Variants in GRK5 observed in about 807,000 individuals in gnomAD.
GRK5 encodes the protein G protein-coupled receptor kinase 5.
A neutral mutation model predicts 78.4 loss-of-function variants in GRK5; 40 were observed. That is an observed-to-expected ratio of 0.51 (90% CI 0.40 to 0.66). The LOEUF (loss-of-function observed/expected upper bound fraction) is 0.66, where lower values mean the gene tolerates loss of function less well. GRK5 is among the 30% of genes least tolerant of loss of function. The pLI, the probability that GRK5 is intolerant of heterozygous loss-of-function variation, is 0.00. For missense variants in GRK5, 598 were observed against 759.9 expected, an observed-to-expected ratio of 0.79 and a Z score of 2.50; for synonymous variants, 289 against 296.8, an observed-to-expected ratio of 0.97 and a Z score of 0.27.
At chr10:119,374,885 G>A (rs1046803727) in intron 2 of GRK5, among the ~76,000 whole-genome samples, 1 of 152,076 alleles carries the variant, frequency 6.6e-6, no homozygotes, top group Non-Finnish European at 1.5e-5. Flanking sequence ...CTTCTACCAC[G>A]ATTGTAAGCT....
At chr10:119,453,424 C>A in intron 15 of GRK5, 148 bp downstream of exon 15, 1 of 894,158 alleles carries the variant, frequency 1.1e-6, no homozygotes, top group Non-Finnish European at 1.7e-6. Flanking sequence ...TGATTATGTC[C>A]AAGGCCCCTG....
intron 1 of GRK5, among the ~76,000 whole-genome samples, chr10:119,259,943 G>A (rs1849345622): frequency 6.6e-6 from 1 of 152,110 alleles, no homozygotes; most frequent in Non-Finnish European, 1.5e-5. Flanking sequence ...AACATAAGTT[G>A]TCATGTTCTT....
intron 3 of GRK5, among the ~76,000 whole-genome samples, chr10:119,396,460 G>C (rs1036396240): frequency 1.3e-5 from 2 of 152,240 alleles, no homozygotes; most frequent in Admixed American, 1.3e-4. Context: ...CTGATGTGCA[G>C]TCTGCATGGA....
chr10:119,388,448 T>A (rs1171049789), intron 3 of GRK5, among the ~76,000 whole-genome samples: 1 of 152,232 alleles, frequency 6.6e-6, no homozygotes, highest in Non-Finnish European at 1.5e-5. Flanking sequence ...GTGATTCTCG[T>A]GCCTCAGCCA....
intron 2 of GRK5, among the ~76,000 whole-genome samples, chr10:119,347,762 T>A (rs1418124927): frequency 6.6e-6 from 1 of 152,248 alleles, no homozygotes; most frequent in Non-Finnish European, 1.5e-5. Context: ...GCTGGACCAG[T>A]AGGCGTGTCT....
At chr10:119,262,407 C>T (rs1352058429) in intron 1 of GRK5, among the ~76,000 whole-genome samples, 2 of 141,192 alleles carry the variant, frequency 1.4e-5, no homozygotes, top group African/African-American at 5.3e-5. Flanking sequence ...GGCGTGATCT[C>T]GGCTCAGCAC....
intron 1 of GRK5, among the ~76,000 whole-genome samples, chr10:119,277,687 A>G (rs1849691986): frequency 6.6e-6 from 1 of 152,228 alleles, no homozygotes; most frequent in Admixed American, 6.5e-5. Context: ...CACTGCTGAA[A>G]GTTTACTCAT....
At chr10:119,359,988 G>A (rs1002537208) in intron 2 of GRK5, among the ~76,000 whole-genome samples, 13 of 151,296 alleles carry the variant, frequency 8.6e-5, no homozygotes, top group Admixed American at 1.3e-4. Context: ...CTGAGGAGGC[G>A]GAGGGAGGCT....
At chr10:119,415,788 C>A (rs1199056716) in intron 4 of GRK5, among the ~76,000 whole-genome samples, 1 of 152,200 alleles carries the variant, frequency 6.6e-6, no homozygotes, top group East Asian at 1.9e-4. Context: ...CAGATCCATG[C>A]CTCCCAGTCA....
chr10:119,275,139 C>T (rs1405941882), intron 1 of GRK5, among the ~76,000 whole-genome samples: 1 of 152,146 alleles, frequency 6.6e-6, no homozygotes, highest in East Asian at 1.9e-4. Flanking sequence ...GTGGTGGCTC[C>T]TCTATTACTA....
intron 1 of GRK5, among the ~76,000 whole-genome samples, chr10:119,218,208 G>C (rs935144584): frequency 6.6e-6 from 1 of 152,044 alleles, no homozygotes; most frequent in African/African-American, 2.4e-5. Context: ...TGAGATCCTG[G>C]TGGGAAGGCA....
chr10:119,211,650 G>T (rs1269549551), intron 1 of GRK5: 1 of 152,200 alleles, frequency 6.6e-6, no homozygotes, highest in Non-Finnish European at 1.5e-5. Flanking sequence ...GAGAAGTTAG[G>T]ACTGGAACAA....
At chr10:119,371,644 C>G (rs573934672) in intron 2 of GRK5, among the ~76,000 whole-genome samples, 2 of 152,196 alleles carry the variant, frequency 1.3e-5, no homozygotes, top group African/African-American at 4.8e-5. Context: ...CCTGCCCTCC[C>G]GGAGCTCAGG....
intron 4 of GRK5, chr10:119,406,440 G>A (rs554479975): frequency 3.5e-5 from 34 of 984,376 alleles, no homozygotes; most frequent in Non-Finnish European, 3.6e-5. Flanking sequence ...GCAACCAAGG[G>A]TGTGAAATAT....
chr10:119,282,196 T>C (rs1849773701), intron 1 of GRK5, among the ~76,000 whole-genome samples: 1 of 152,198 alleles, frequency 6.6e-6, no homozygotes, highest in African/African-American at 2.4e-5. Flanking sequence ...CACTCACATT[T>C]TGGGGCCCTA....
At chr10:119,346,106 G>A (rs927515430) in intron 2 of GRK5, among the ~76,000 whole-genome samples, 6 of 152,130 alleles carry the variant, frequency 3.9e-5, no homozygotes, top group Non-Finnish European at 7.3e-5. Context: ...TAGAAGGTGC[G>A]TGTGCCTCCT....
At position 119,419,727 on chromosome 10, in the gene GRK5, AGG is replaced by A. The variant is rs546692892; in HGVS notation, c.340-3437_340-3436del. Among the ~76,000 whole-genome samples, 125 of 152,362 alleles carry A rather than the reference AGG, an allele frequency of 8.2e-4. 1 individual carries two copies. Among genetic ancestry groups the A allele is most frequent in the African/African-American group, 2.6e-3 (109 of 41,594 alleles). Reference sequence around the variant, plus strand: ...AATCCCCTTCTCCCATCTGCTGAGAAGGGAGTTCAGTTGGCTGTCCCTGCCTG... The same window carrying A: ...AATCCCCTTCTCCCATCTGCTGAGAAGAGTTCAGTTGGCTGTCCCTGCCTG... On this transcript the variant is annotated intron_variant, in intron 4 of 15. Transcript: ENST00000392870.
chr10:119,366,357 G>A (rs1157812999), intron 2 of GRK5, among the ~76,000 whole-genome samples: 1 of 152,084 alleles, frequency 6.6e-6, no homozygotes, highest in African/African-American at 2.4e-5. Flanking sequence ...GGAGGCAAAG[G>A]GGGTGGCGGA....
chr10:119,344,090 G>C (rs1478887573), intron 2 of GRK5, among the ~76,000 whole-genome samples: 2 of 149,718 alleles, frequency 1.3e-5, no homozygotes, highest in Non-Finnish European at 3.0e-5. Context: ...TTTTTTTTTT[G>C]GCGGGGGGTA....
Sources: allele counts gnomAD v4.1 joint callset (sites outside exome capture counted in the v4.1 genomes callset), GRCh38; gene constraint gnomAD v4.1.1; transcripts MANE v1.5; gene names NCBI Gene and HGNC (gene_info 2026-07-23, HGNC 2026-07-21).